Variants in SNX29 observed in about 807,000 individuals in gnomAD.
SNX29 encodes the protein sorting nexin-29.
Under a neutral mutation model 102.1 loss-of-function variants are expected in SNX29, and 78 were observed. The observed-to-expected ratio is 0.76, with a 90% CI of 0.64 to 0.92. The LOEUF is 0.92. Ranked by LOEUF, SNX29 falls within the 40% of genes least tolerant of loss-of-function variation. The probability of loss-of-function intolerance (pLI) is 0.00; values close to 1 mark genes in which losing one functional copy is unlikely to be tolerated. For missense variants in SNX29, 1,280 were observed against 1,061.7 expected, an observed-to-expected ratio of 1.21 and a Z score of -2.86; for synonymous variants, 580 against 414.5, an observed-to-expected ratio of 1.40 and a Z score of -4.85.
rs748894293 is a variant in SNX29 at position 12,052,115 on chromosome 16, G to A, written c.1017G>A (p.Lys339=). 1.1e-5 allele frequency: 17 copies of A among 1,613,954 alleles called. No individual in the cohort carries two copies. The highest frequency in any genetic ancestry group is 3.3e-5 in the Admixed American group (2 of 60,012). Reference sequence around the variant, plus strand: ...TGAACGGGGAGTTTGGGTACCAGAAGCTTGATGTGAAAAGCATCGATGATG... The same window carrying A: ...TGAACGGGGAGTTTGGGTACCAGAAACTTGATGTGAAAAGCATCGATGATG... ...LSLNGEFGYQ[K]LDVKSIDDED... Residue 339 remains lysine, a synonymous_variant, in exon 8 of 21, where the codon AAG becomes AAA. Coordinates refer to ENST00000566228, the MANE Select transcript of SNX29 (RefSeq NM_032167.5).
chr16:12,300,904 C>T (rs2080153108), intron 15 of SNX29, among the ~76,000 whole-genome samples: 2 of 152,084 alleles, frequency 1.3e-5, no homozygotes, highest in South Asian at 2.1e-4. Flanking sequence ...AAATGTCTCT[C>T]GACATTCCGT....
intron 5 of SNX29, among the ~76,000 whole-genome samples, chr16:12,045,990 A>G (rs1236439638): frequency 6.6e-6 from 1 of 152,120 alleles, no homozygotes; most frequent in African/African-American, 2.4e-5. Context: ...TCTGTCTGAA[A>G]TGGTCTCTTC....
chr16:12,105,102 G>A (rs140012698), intron 11 of SNX29, among the ~76,000 whole-genome samples: 1 of 152,296 alleles, frequency 6.6e-6, no homozygotes, highest in East Asian at 1.9e-4. Flanking sequence ...CAGAGCATGA[G>A]GCAACACCGT....
chr16:12,060,665 A>G (rs1248376144), intron 8 of SNX29: 1 of 412,076 alleles, frequency 2.4e-6, no homozygotes, highest in Non-Finnish European at 4.8e-6. Flanking sequence ...AACGGTTGAT[A>G]CAGATGTAAT....
At chr16:12,409,488 G>A (rs1263200751) in intron 18 of SNX29, among the ~76,000 whole-genome samples, 2 of 141,780 alleles carry the variant, frequency 1.4e-5, no homozygotes, top group East Asian at 4.2e-4. Context: ...GAGTGAAGTG[G>A]CGCAATCTTG....
At chr16:12,384,105 TATACCCATTC>T (rs1258766976) in intron 16 of SNX29, among the ~76,000 whole-genome samples, 1 of 152,250 alleles carries the variant, frequency 6.6e-6, no homozygotes, top group East Asian at 1.9e-4. Flanking sequence ...CCACATTTTC[TATACCCATTC>T]ATCTGTTGGT....
chr16:12,454,233 T>C (rs952338161), intron 18 of SNX29, among the ~76,000 whole-genome samples: 4 of 152,264 alleles, frequency 2.6e-5, no homozygotes, highest in African/African-American at 9.6e-5. Flanking sequence ...TGTGGTAACC[T>C]GGGGGATGGC....
chr16:12,315,068 G>T (rs1340696445), intron 15 of SNX29, among the ~76,000 whole-genome samples: 1 of 152,160 alleles, frequency 6.6e-6, no homozygotes, highest in African/African-American at 2.4e-5. Context: ...GACTTCATGG[G>T]CTTGTACCTT....
At chr16:12,498,850 T>C (rs935434654) in intron 19 of SNX29, among the ~76,000 whole-genome samples, 7 of 152,186 alleles carry the variant, frequency 4.6e-5, no homozygotes, top group African/African-American at 1.7e-4. Flanking sequence ...CAGTTCTGCT[T>C]GAAAGATGAG....
intron 20 of SNX29, among the ~76,000 whole-genome samples, chr16:12,563,961 A>C (rs986679770): frequency 6.6e-6 from 1 of 151,370 alleles, no homozygotes; most frequent in Non-Finnish European, 1.5e-5. Flanking sequence ...AAGACGAGGA[A>C]GGGCTTTTCA....
rs547163085 is a variant in SNX29 at position 12,346,226 on chromosome 16, G to T, written c.1783-9937G>T. 1.7e-4 allele frequency among the ~76,000 whole-genome samples: 26 copies of T among 152,284 alleles called. No homozygotes were observed. In the East Asian group the frequency reaches 4.8e-3, roughly 28 times the overall value. On this transcript the variant is annotated intron_variant, in intron 15 of 20. Transcript: ENST00000566228. ...CTAGGTTTGGCCACAGGATGGAGGA[G>T]CGGGGACAGACCTTGGAGAGATGAA...
In SNX29 at chr16:12,337,671, C is replaced by G. The variant is rs142678344; in HGVS notation, c.1783-18492C>G. ...ATCTCACTTTGAAGAAGAATACTTG[C>G]AAACATGTGACCCATTTGCCCCAGA... On this transcript the variant is annotated intron_variant, in intron 15 of 20. Transcript: ENST00000566228. Among the ~76,000 whole-genome samples the G allele has an allele frequency of 6.3e-3, 960 of 152,256 alleles. 6 individuals are homozygous for G. Among genetic ancestry groups the G allele is most frequent in the Non-Finnish European group, 0.011 (729 of 68,028 alleles).
At chr16:12,550,174 C>T (rs192434701) in intron 20 of SNX29, among the ~76,000 whole-genome samples, 2 of 152,334 alleles carry the variant, frequency 1.3e-5, no homozygotes, top group Admixed American at 6.5e-5. Context: ...TGGAAAAAAT[C>T]TCCATGACAT....
intron 20 of SNX29, among the ~76,000 whole-genome samples, chr16:12,541,221 G>A (rs1244277407): frequency 6.6e-6 from 1 of 152,158 alleles, no homozygotes; most frequent in Non-Finnish European, 1.5e-5. Context: ...GGTGCATGGA[G>A]AGAAGGACTA....
chr16:12,315,619 A>G (rs2080707025), intron 15 of SNX29, among the ~76,000 whole-genome samples: 1 of 152,196 alleles, frequency 6.6e-6, no homozygotes, highest in South Asian at 2.1e-4. Context: ...AAAGATGGTC[A>G]TCTGCAAGCC....
intron 19 of SNX29, among the ~76,000 whole-genome samples, chr16:12,508,400 C>G (rs2089468821): frequency 6.6e-6 from 1 of 152,244 alleles, no homozygotes; most frequent in Non-Finnish European, 1.5e-5. Context: ...CCGCAACAAG[C>G]TTGCAGACTG....
At chr16:11,981,477 C>G (rs1159634525) in intron 1 of SNX29, among the ~76,000 whole-genome samples, 4 of 152,102 alleles carry the variant, frequency 2.6e-5, no homozygotes, top group Admixed American at 6.6e-5. Context: ...AATCTCTCTC[C>G]TTTTCCCCCT....
At chr16:12,116,850 G>A (rs182805931) in intron 11 of SNX29, among the ~76,000 whole-genome samples, 69 of 152,264 alleles carry the variant, frequency 4.5e-4, no homozygotes, top group African/African-American at 1.5e-3. Flanking sequence ...CAACGAGGAC[G>A]AACCATGGAA....
intron 18 of SNX29, among the ~76,000 whole-genome samples, chr16:12,413,777 C>T (rs895547158): frequency 6.6e-6 from 1 of 152,204 alleles, no homozygotes; most frequent in Non-Finnish European, 1.5e-5. Flanking sequence ...CAGCCTGTGG[C>T]TTTGAGAGCC....
Sources: gnomAD v4.1 joint callset for allele counts (sites outside exome capture counted in the v4.1 genomes callset) on GRCh38, gnomAD v4.1.1 for gene constraint, MANE v1.5 for transcripts, NCBI Gene and HGNC (gene_info 2026-07-23, HGNC 2026-07-21) for gene names.